The following MBOAT2 variants were observed in gnomAD, a reference collection of about 807,000 sequenced individuals.
The protein encoded by MBOAT2 is membrane bound glycerophospholipid O-acyltransferase 2, also known as membrane-bound glycerophospholipid O-acyltransferase 2.
Under a neutral mutation model 63.4 loss-of-function variants are expected in MBOAT2, and 28 were observed. That is an observed-to-expected ratio of 0.44 (90% CI 0.33 to 0.61). The LOEUF (loss-of-function observed/expected upper bound fraction) is 0.61. Ranked by LOEUF, MBOAT2 falls within the 20% of genes least tolerant of loss-of-function variation. The pLI is 0.03. For synonymous variants in MBOAT2, 211 were observed against 215.6 expected, an observed-to-expected ratio of 0.98 and a Z score of 0.19; for missense variants, 470 against 605.8, an observed-to-expected ratio of 0.78 and a Z score of 2.35.
At chr2:8,869,960 A>G (rs1216427111) in intron 8 of MBOAT2, among the ~76,000 whole-genome samples, 1 of 152,192 alleles carries the variant, frequency 6.6e-6, no homozygotes, top group East Asian at 1.9e-4. Context: ...GTCAACAGCA[A>G]CGAAACAAGA....
At chr2:8,919,041 C>T (rs935628743) in intron 3 of MBOAT2, among the ~76,000 whole-genome samples, 14 of 152,148 alleles carry the variant, frequency 9.2e-5, no homozygotes, top group African/African-American at 3.4e-4. Context: ...TTCCACTTAC[C>T]GTGCTCTTGA....
chr2:8,950,490 C>T (rs1034094471), intron 2 of MBOAT2, among the ~76,000 whole-genome samples: 5 of 152,150 alleles, frequency 3.3e-5, no homozygotes, highest in Middle Eastern at 3.4e-3. Flanking sequence ...TGCAGTGGCG[C>T]GATCTCAGCT....
At chr2:8,994,493 C>G (rs907218470) in intron 1 of MBOAT2, among the ~76,000 whole-genome samples, 1 of 152,210 alleles carries the variant, frequency 6.6e-6, no homozygotes, top group Non-Finnish European at 1.5e-5. Context: ...TGTACAGAAA[C>G]AGGACAGGCT....
At chr2:8,944,696 T>G (rs1227727163) in intron 2 of MBOAT2, among the ~76,000 whole-genome samples, 1 of 151,074 alleles carries the variant, frequency 6.6e-6, no homozygotes, top group African/African-American at 2.4e-5. Flanking sequence ...AAAATAATGT[T>G]GGCCTTTTTT....
At chr2:8,969,815 G>A (rs1353286852) in intron 1 of MBOAT2, among the ~76,000 whole-genome samples, 1 of 152,152 alleles carries the variant, frequency 6.6e-6, no homozygotes, top group Admixed American at 6.5e-5. Flanking sequence ...AACAAGAAGA[G>A]CTAACTATCC....
intron 2 of MBOAT2, among the ~76,000 whole-genome samples, chr2:8,947,069 G>A (rs916327114): frequency 6.6e-5 from 10 of 152,194 alleles, no homozygotes; most frequent in Admixed American, 1.3e-4. Flanking sequence ...GGTTATGGAA[G>A]GAAACTGACA....
chr2:8,930,822 A>G (rs1468590229), intron 3 of MBOAT2, among the ~76,000 whole-genome samples: 1 of 152,120 alleles, frequency 6.6e-6, no homozygotes, highest in Non-Finnish European at 1.5e-5. Context: ...TATGTAACAA[A>G]CCTGCACGTT....
chr2:8,938,655 GCCA>G (rs543833191), intron 3 of MBOAT2, among the ~76,000 whole-genome samples: 61 of 145,286 alleles, frequency 4.2e-4, no homozygotes, highest in East Asian at 1.4e-3. Context: ...TGTGTCTCAT[GCCA>G]CCACATTTCA....
At chr2:8,880,759 G>A (rs1167830048) in intron 6 of MBOAT2, among the ~76,000 whole-genome samples, 1 of 152,226 alleles carries the variant, frequency 6.6e-6, no homozygotes, top group African/African-American at 2.4e-5. Context: ...GGAAGGAAGT[G>A]AAGAAGGTAT....
At chr2:8,956,990 G>A (rs1669274416) in intron 2 of MBOAT2, among the ~76,000 whole-genome samples, 1 of 152,170 alleles carries the variant, frequency 6.6e-6, no homozygotes, top group Admixed American at 6.5e-5. Flanking sequence ...TGGCCAATAT[G>A]AACTACAAGC....
At position 8,877,171 on chromosome 2, in the gene MBOAT2, G is replaced by A. The variant is rs772682789; in HGVS notation, c.549C>T (p.Asn183=). The A allele has an allele frequency of 1.2e-6, 2 of 1,613,706 alleles. No individual in the cohort carries two copies. Among genetic ancestry groups the A allele is most frequent in the Non-Finnish European group, 8.5e-7 (1 of 1,179,928 alleles). ...SLLEYLSYNC[N]FMGILAGPLC... Reference sequence around the variant, plus strand: ...GTGGGCCTGCCAGGATCCCCATGAAGTTACAGTTGTAACTCAAATACTCCA... The same window carrying A: ...GTGGGCCTGCCAGGATCCCCATGAAATTACAGTTGTAACTCAAATACTCCA... Residue 183 remains asparagine (N), a synonymous_variant, in exon 7 of 13, where the codon AAC becomes AAT. Transcript: ENST00000305997.
intron 1 of MBOAT2, among the ~76,000 whole-genome samples, chr2:9,000,140 G>A (rs1452517447): frequency 2.0e-5 from 3 of 151,966 alleles, no homozygotes; most frequent in Non-Finnish European, 4.4e-5. Context: ...TTTCTTCCTC[G>A]GACATCAAAC....
At chr2:8,946,212 G>T (rs1486146494) in intron 2 of MBOAT2, among the ~76,000 whole-genome samples, 1 of 152,184 alleles carries the variant, frequency 6.6e-6, no homozygotes, top group Admixed American at 6.5e-5. Context: ...TGTCACAGAT[G>T]AGGAAAGTGA....
chr2:8,911,476 T>C (rs1004667395), intron 3 of MBOAT2, among the ~76,000 whole-genome samples: 2 of 152,180 alleles, frequency 1.3e-5, no homozygotes, highest in Non-Finnish European at 2.9e-5. Context: ...ATTCTTGCTA[T>C]GGTTGGGATG....
At chr2:8,942,112 T>A (rs1668094811) in intron 3 of MBOAT2, among the ~76,000 whole-genome samples, 1 of 152,150 alleles carries the variant, frequency 6.6e-6, no homozygotes, top group Admixed American at 6.5e-5. Flanking sequence ...CAGGAACTTG[T>A]AAGGGTTGGT....
intron 12 of MBOAT2, among the ~76,000 whole-genome samples, chr2:8,859,975 G>A (rs943850922): frequency 1.3e-5 from 2 of 152,120 alleles, no homozygotes; most frequent in African/African-American, 4.8e-5. Flanking sequence ...ACGAGGTCAG[G>A]AGCCTCAAGA....
At chr2:8,901,943 T>C (rs1426589421) in intron 4 of MBOAT2, among the ~76,000 whole-genome samples, 1 of 152,160 alleles carries the variant, frequency 6.6e-6, no homozygotes, top group Non-Finnish European at 1.5e-5. Context: ...AGGGTCAGGA[T>C]AGATAGGATA....
At chr2:8,897,352 C>T (rs1214540756) in intron 4 of MBOAT2, among the ~76,000 whole-genome samples, 6 of 151,026 alleles carry the variant, frequency 4.0e-5, no homozygotes, top group African/African-American at 1.5e-4. Flanking sequence ...TGGATGGCTT[C>T]AGCAGTGTAA....
At chr2:8,859,620 ATT>A (rs1293794958) in intron 12 of MBOAT2, among the ~76,000 whole-genome samples, 10 of 152,308 alleles carry the variant, frequency 6.6e-5, no homozygotes, top group Admixed American at 2.0e-4. Flanking sequence ...CTGTATAATT[ATT>A]GTCATATTTG....
Sources: gnomAD v4.1 joint callset for allele counts (sites outside exome capture counted in the v4.1 genomes callset) on GRCh38, gnomAD v4.1.1 for gene constraint, MANE v1.5 for transcripts, NCBI Gene and HGNC (gene_info 2026-07-23, HGNC 2026-07-21) for gene names.